The following ABCA4 variants were observed in gnomAD, a reference collection of about 807,000 sequenced individuals.
ABCA4 encodes ATP binding cassette subfamily A member 4.
A neutral mutation model predicts 263.7 loss-of-function variants in ABCA4; 196 were observed. The observed-to-expected ratio is 0.74, with a 90% confidence interval of 0.66 to 0.84. The LOEUF (loss-of-function observed/expected upper bound fraction) is 0.84, where lower values mean the gene tolerates loss of function less well. Among genes scored for constraint, ABCA4 ranks in the 40% least tolerant of loss-of-function variants. The pLI, the probability that ABCA4 is intolerant of heterozygous loss-of-function variation, is 0.00. For synonymous variants in ABCA4, 1,133 were observed against 1,094.2 expected (o/e 1.04, Z -0.70); for missense variants, 2,792 against 2,855.1 (o/e 0.98, Z 0.50).
rs140719597 is a variant in ABCA4, at chr1:94,089,873, C to T, written c.769-6432G>A. ...TTGAAATACATGTGAACTATACATA[C>T]ATTTTCAAAGATTAATTAAAAAGTA... is the stretch of plus-strand genomic sequence containing the variant. On this transcript the variant is annotated intron_variant, in intron 6 of 49. Coordinates refer to ENST00000370225, the MANE Select transcript of ABCA4 (RefSeq NM_000350.3). Among the ~76,000 whole-genome samples the T allele has an allele frequency of 6.8e-3, 1,035 of 152,298 alleles. 12 individuals carry two copies. Among genetic ancestry groups the T allele is most frequent in the African/African-American group, 0.023 (967 of 41,562 alleles).
chr1:94,104,820 C>T lies in ABCA4; in HGVS notation c.443-1678G>A, dbSNP rs1270839546. 3.9e-5 allele frequency among the ~76,000 whole-genome samples: 6 copies of T among 152,146 alleles called. 1 individual carries two copies. Among genetic ancestry groups the T allele is most frequent in the South Asian group, 4.1e-4 (2 of 4,822 alleles). On this transcript the variant is annotated intron_variant, in intron 4 of 49. Transcript: ENST00000370225. ...TCTTCCCTCTTCAAAAACATAAATCCGGCTGTCTTCCAAACCCAGCCCTCC... is the reference window on the plus strand; with the variant it reads ...TCTTCCCTCTTCAAAAACATAAATCTGGCTGTCTTCCAAACCCAGCCCTCC...
chr1:94,090,209 G>T (rs898271276), intron 6 of ABCA4, among the ~76,000 whole-genome samples: 3 of 152,084 alleles, frequency 2.0e-5, no homozygotes, highest in African/African-American at 7.2e-5. Flanking sequence ...TCTCATCAAC[G>T]GTATGATAAA....
rs1571265271 is a variant in ABCA4 at position 94,031,917 on chromosome 1, T to C, written c.3989A>G (p.Glu1330Gly). The part of the protein sequence containing the change: ...CSPGAPAAHP[E>G]GQPPPEPECP... ...CTCTGGCTCTGGGGGAGGCTGGCCC[T>C]CTGGGTGAGCAGCCGGCGCCCCTGG... is the stretch of plus-strand genomic sequence containing the variant. Residue 1330 changes from glutamate (E) to glycine (G), a missense_variant, in exon 27 of 50, where the codon GAG (glutamate) becomes GGG (glycine). Glu to Gly is a moderately conservative substitution (Grantham distance 98). Coordinates refer to ENST00000370225, the MANE Select transcript of ABCA4 (RefSeq NM_000350.3). The C allele has an allele frequency of 6.2e-7, 1 of 1,614,120 alleles. No homozygotes were observed. The highest frequency in any genetic ancestry group is 1.3e-5 in the African/African-American group (1 of 75,024).
rs1660947834 is a variant in ABCA4 at position 94,055,367 on chromosome 1, G to GCAA, written c.2383-55_2383-53dup. 3.8e-6 allele frequency: 6 copies of GCAA among 1,576,548 alleles called. No individual in the cohort carries two copies. In the East Asian group the frequency reaches 1.3e-4, roughly 35 times the overall value. On this transcript the variant is annotated intron_variant, in intron 15 of 49. Coordinates refer to ENST00000370225, the MANE Select transcript of ABCA4 (RefSeq NM_000350.3). The stretch of plus-strand genomic sequence containing the variant: ...AAAAGAGCAGTGCCTTTTATCCAAT[G>GCAA]CAACAGCACCCAGATGCCCTCGAGG...
At chr1:94,110,129 TA>T (rs1418682764) in intron 3 of ABCA4, among the ~76,000 whole-genome samples, 15 of 152,330 alleles carry the variant, frequency 9.8e-5, no homozygotes, top group African/African-American at 3.6e-4. Context: ...AGTTGTAAAC[TA>T]AAACTGCAAG....
At chr1:94,118,903 A>T (rs4147799) in intron 1 of ABCA4, among the ~76,000 whole-genome samples, 1 of 152,214 alleles carries the variant, frequency 6.6e-6, no homozygotes, top group Non-Finnish European at 1.5e-5. Context: ...GGCTCATTTT[A>T]GGCCAGCAGC....
intron 3 of ABCA4, among the ~76,000 whole-genome samples, chr1:94,109,755 C>T (rs552215192): frequency 6.6e-6 from 1 of 152,320 alleles, no homozygotes; most frequent in Admixed American, 6.5e-5. Flanking sequence ...CTGCCCTTGG[C>T]TCTGTGAGAA....
chr1:94,041,282 C>G lies in ABCA4; in HGVS notation c.3449G>C (p.Cys1150Ser), dbSNP rs375783686. The part of the protein sequence containing the change: ...CSGTPLFLKN[C>S]FGTGLYLTLV... ...GGTTAAGTACAAGCCTGTGCCAAAG[C>G]AGTTCTTCAGGAAGAGTGGGGTGCC... Residue 1150 changes from cysteine to serine, a missense_variant, in exon 23 of 50, where the codon TGC (cysteine) becomes TCC (serine). Cys to Ser is a moderately radical substitution (Grantham distance 112). Transcript: ENST00000370225. The G allele has an allele frequency of 6.2e-7, 1 of 1,614,044 alleles. No homozygotes were observed. The highest frequency in any genetic ancestry group is 1.3e-5 in the African/African-American group (1 of 74,914).
rs187071406 is a variant in ABCA4, at chr1:94,043,362, C to T, written c.3164G>A (p.Arg1055Gln). 5.6e-5 allele frequency: 91 copies of T among 1,614,086 alleles called. No homozygotes were observed. The highest frequency in any genetic ancestry group is 3.2e-4 in the Admixed American group (19 of 60,002). The change falls in exon 21 of 50, where the codon CGG (arginine) becomes CAG (glutamine). Residue 1055 changes from arginine to glutamine, a missense_variant. Transcript: ENST00000370225. Reference sequence around the variant, plus strand: ...TGATAGGTCCTGAGCCTCTTCATTCCGCTTGTGGTGGAGGCCTGTGTCCTC... The same window carrying T: ...TGATAGGTCCTGAGCCTCTTCATTCTGCTTGTGGTGGAGGCCTGTGTCCTC... ...MLEDTGLHHK[R>Q]NEEAQDLSGG...
In ABCA4 at chr1:94,043,811, A is replaced by G. The variant is rs1173935644; in HGVS notation, c.3051-336T>C. On this transcript the variant is annotated intron_variant, in intron 20 of 49. Transcript: ENST00000370225. The stretch of plus-strand genomic sequence containing the variant: ...AAAGTCAGGTTATAAAATTGTATGC[A>G]TAGTTTTACTATTCTTTATCATTTT... Among the ~76,000 whole-genome samples, 5 of 152,320 alleles carry G rather than the reference A, an allele frequency of 3.3e-5. No individual in the cohort carries two copies. The East Asian group carries it at 9.6e-4, about 29-fold the overall frequency.
intron 17 of ABCA4, among the ~76,000 whole-genome samples, chr1:94,051,397 G>A (rs138198309): frequency 9.9e-5 from 15 of 152,192 alleles, no homozygotes; most frequent in African/African-American, 3.6e-4. Flanking sequence ...AAGGTGTACA[G>A]GACCCAGGGC....
At chr1:94,089,742 G>A (rs190501752) in intron 6 of ABCA4, among the ~76,000 whole-genome samples, 198 of 152,250 alleles carry the variant, frequency 1.3e-3, no homozygotes, top group Non-Finnish European at 2.3e-3. Flanking sequence ...GATTATAGGT[G>A]TGAGCCACTG....
At chr1:94,060,988 G>A (rs1348254496) in intron 13 of ABCA4, among the ~76,000 whole-genome samples, 5 of 152,140 alleles carry the variant, frequency 3.3e-5, no homozygotes, top group Admixed American at 2.0e-4. Context: ...GGTTAGCCCG[G>A]GTGAATGCTC....
At chr1:94,066,023 A>G (rs1322199188) in intron 11 of ABCA4, among the ~76,000 whole-genome samples, 1 of 152,250 alleles carries the variant, frequency 6.6e-6, no homozygotes, top group Non-Finnish European at 1.5e-5. Flanking sequence ...GAGATGTAGG[A>G]CTTAAACAGG....
intron 4 of ABCA4, 43 bp downstream of exon 4, chr1:94,108,534 A>C (rs1335668519): frequency 5.6e-6 from 9 of 1,611,552 alleles, no homozygotes; most frequent in Non-Finnish European, 7.6e-6. Flanking sequence ...GTCTCTCCAT[A>C]GGTGAGGGAA....
At position 94,005,509 on chromosome 1, in the gene ABCA4, G is replaced by A. The variant is rs61751408; in HGVS notation, c.6079C>T (p.Leu2027Phe). The change falls in exon 44 of 50, where the codon CTC (leucine) becomes TTC (phenylalanine). Residue 2027 changes from leucine to phenylalanine, a missense_variant. Transcript: ENST00000370225. The part of the protein sequence containing the change: ...CPQFDAIDEL[L>F]TGREHLYLYA... ...AGGTAAAGATGTTCTCGTCCTGTGA[G>A]CAGCTCATCAATTGCATCAAACTGA... 4.7e-4 allele frequency: 757 copies of A among 1,614,112 alleles called. No individual in the cohort carries two copies. The highest frequency in any genetic ancestry group is 6.1e-4 in the Non-Finnish European group (721 of 1,179,990).
At chr1:94,036,523 C>T (rs968834322) in intron 26 of ABCA4, among the ~76,000 whole-genome samples, 9 of 151,918 alleles carry the variant, frequency 5.9e-5, no homozygotes, top group East Asian at 3.9e-4. Flanking sequence ...ATTACAGGTG[C>T]GCGCCACCAC....
chr1:94,011,990 G>C (rs1316380859), intron 38 of ABCA4, among the ~76,000 whole-genome samples: 1 of 152,254 alleles, frequency 6.6e-6, no homozygotes, highest in Non-Finnish European at 1.5e-5. Flanking sequence ...GAGGGTTGGA[G>C]ACTCTCTCTG....
chr1:94,007,312 G>T (rs1659418630), intron 43 of ABCA4, among the ~76,000 whole-genome samples: 1 of 152,174 alleles, frequency 6.6e-6, no homozygotes, highest in Non-Finnish European at 1.5e-5. Context: ...CATTTTTATA[G>T]GAATAGGCTA....
Sources: allele counts gnomAD v4.1 joint callset (sites outside exome capture counted in the v4.1 genomes callset), GRCh38; gene constraint gnomAD v4.1.1; transcripts MANE v1.5; gene names NCBI Gene and HGNC (gene_info 2026-07-23, HGNC 2026-07-21).